Variants in ADGRG4 observed in about 807,000 individuals in gnomAD.
The protein encoded by ADGRG4 is G protein-coupled receptor 112.
Under a neutral mutation model 126.2 loss-of-function variants are expected in ADGRG4, and 122 were observed. The observed-to-expected ratio is 0.97, with a 90% CI of 0.83 to 1.12. The LOEUF is 1.12. Among genes scored for constraint, ADGRG4 ranks in the 50% most tolerant of loss-of-function variants. ADGRG4 has a pLI of 0.00. For synonymous variants in ADGRG4, 943 were observed against 838.7 expected (o/e 1.12, Z -2.15); for missense variants, 2,481 against 2,251.8 (o/e 1.10, Z -2.06).
At chrX:136,376,346 T>G (rs2075225176) in intron 15 of ADGRG4, among the ~76,000 whole-genome samples, 2 of 112,235 alleles carry the variant, frequency 1.8e-5, no homozygotes, top group Admixed American at 1.9e-4. Flanking sequence ...GCCTCCAGAT[T>G]TGTTCTTTTT....
At chrX:136,392,405 C>T (rs371491522) in intron 17 of ADGRG4, 51 bp downstream of exon 17, 12 of 1,024,897 alleles carry the variant, frequency 1.2e-5, no homozygotes, top group South Asian at 3.0e-5. Flanking sequence ...GAACTCTTCA[C>T]GACTTTTCTG....
chrX:136,378,878 A>G (rs956852951), intron 15 of ADGRG4, among the ~76,000 whole-genome samples: 4 of 111,806 alleles, frequency 3.6e-5, no homozygotes, highest in Non-Finnish European at 3.8e-5. Context: ...ATGTATTGCT[A>G]TTTTCTAAGT....
chrX:136,315,927 G>T (rs2074802281), intron 4 of ADGRG4, among the ~76,000 whole-genome samples: 1 of 111,550 alleles, frequency 9.0e-6, no homozygotes, highest in Non-Finnish European at 1.9e-5. Flanking sequence ...TAGGAAAGAG[G>T]CATAGAACAG....
At chrX:136,302,065 G>A (rs1309459495) in intron 1 of ADGRG4, among the ~76,000 whole-genome samples, 2 of 111,948 alleles carry the variant, frequency 1.8e-5, no homozygotes, top group Middle Eastern at 4.6e-3. Flanking sequence ...GGCAATGTGG[G>A]CTCTTTTTTG....
chrX:136,318,456 A>G (rs1204156131), intron 4 of ADGRG4, among the ~76,000 whole-genome samples: 2 of 112,027 alleles, frequency 1.8e-5, no homozygotes, highest in African/African-American at 6.5e-5. Flanking sequence ...GAATTAGATA[A>G]TGGCGATAGT....
At chrX:136,380,604 CTCTTCTTCT>C (rs1219064272) in intron 15 of ADGRG4, among the ~76,000 whole-genome samples, 1,912 of 55,267 alleles carry the variant, frequency 0.035, 86 homozygotes, top group African/African-American at 0.1. Flanking sequence ...CCTCCTCCTC[CTCTTCTTCT>C]TCTTCTTCTT....
intron 23 of ADGRG4, among the ~76,000 whole-genome samples, chrX:136,408,119 G>T (rs1358840337): frequency 8.9e-6 from 1 of 111,913 alleles, no homozygotes; most frequent in African/African-American, 3.3e-5. Context: ...ATAAAGGAGG[G>T]GCAGGGGTGT....
intron 5 of ADGRG4, among the ~76,000 whole-genome samples, chrX:136,331,007 C>G (rs2074906384): frequency 9.1e-6 from 1 of 110,203 alleles, no homozygotes; most frequent in African/African-American, 3.3e-5. Context: ...TCTACCCTTC[C>G]CAGCCTCTGG....
At chrX:136,309,683 C>G (rs1331224792) in intron 4 of ADGRG4, among the ~76,000 whole-genome samples, 2 of 111,654 alleles carry the variant, frequency 1.8e-5, no homozygotes. Flanking sequence ...GCATGCAGAG[C>G]CTGATAGGAA....
In ADGRG4 at chrX:136,333,744, T is replaced by C. The variant is rs1489564898; in HGVS notation, c.685+10352T>C. 2.7e-5 allele frequency among the ~76,000 whole-genome samples: 3 copies of C among 111,198 alleles called. No homozygotes were observed. In the East Asian group the frequency reaches 8.4e-4, roughly 31 times the overall value. On this transcript the variant is annotated intron_variant, in intron 5 of 25. Coordinates refer to ENST00000394143, the MANE Select transcript of ADGRG4 (RefSeq NM_153834.4). ...TGCTGGCCAGGCTGGTCTCGAACTCTTGACCTCAAATTCTCCACCTGCCTT... is the reference window on the plus strand; with the variant it reads ...TGCTGGCCAGGCTGGTCTCGAACTCCTGACCTCAAATTCTCCACCTGCCTT...
intron 16 of ADGRG4, among the ~76,000 whole-genome samples, chrX:136,390,844 T>G (rs979117083): frequency 9.0e-6 from 1 of 110,848 alleles, no homozygotes; most frequent in Admixed American, 9.7e-5. Flanking sequence ...TAGACTAAGT[T>G]GGGAGGATCA....
intron 18 of ADGRG4, among the ~76,000 whole-genome samples, chrX:136,394,083 T>C (rs80055459): frequency 3.6e-5 from 4 of 111,272 alleles, no homozygotes; most frequent in African/African-American, 1.3e-4. Flanking sequence ...CCTTTTTTTT[T>C]CCTCACCTCT....
Position 136,345,702 on chromosome X carries a change from G to A in ADGRG4, c.1996G>A (p.Ala666Thr), listed in dbSNP as rs761677523. The A allele has an allele frequency of 9.9e-6, 12 of 1,209,684 alleles. No individual in the cohort carries two copies. Among genetic ancestry groups the A allele is most frequent in the Non-Finnish European group, 1.3e-5 (12 of 895,018 alleles). Reference protein sequence around the residue: ...WTSRPDQALLASMNTTTILTF... With the variant: ...WTSRPDQALLTSMNTTTILTF... The stretch of plus-strand genomic sequence containing the variant: ...TTCTAGGCCAGACCAGGCCCTGCTG[G>A]CATCTATGAACACAACCACCATACT... Residue 666 changes from alanine to threonine, a missense_variant, in exon 6 of 26, where the codon GCA becomes ACA. By Grantham distance (58) the Ala-to-Thr change is moderately conservative. Coordinates refer to ENST00000394143, the MANE Select transcript of ADGRG4 (RefSeq NM_153834.4).
chrX:136,306,537 T>C (rs1026395881), intron 3 of ADGRG4, among the ~76,000 whole-genome samples: 3 of 110,556 alleles, frequency 2.7e-5, no homozygotes, highest in Non-Finnish European at 5.7e-5. Context: ...CTTCCTTACC[T>C]TCCTCTCTCT....
At chrX:136,308,685 A>G (rs1352434794) in intron 3 of ADGRG4, 84 bp from the exon 4 acceptor site, 14 of 581,049 alleles carry the variant, frequency 2.4e-5, no homozygotes, top group Admixed American at 8.0e-5. Context: ...GGTGGTATGC[A>G]AAGGAGAAGT....
At chrX:136,318,444 T>G (rs2074818972) in intron 4 of ADGRG4, among the ~76,000 whole-genome samples, 1 of 112,030 alleles carries the variant, frequency 8.9e-6, no homozygotes, top group African/African-American at 3.2e-5. Flanking sequence ...GAAAATGTTC[T>G]GGAATTAGAT....
At chrX:136,408,147 T>C (rs1378890491) in intron 23 of ADGRG4, among the ~76,000 whole-genome samples, 15 of 112,056 alleles carry the variant, frequency 1.3e-4, no homozygotes. Flanking sequence ...ACCACTCTTA[T>C]GGTGGAAAGT....
chrX:136,333,284 G>A (rs535947606), intron 5 of ADGRG4, among the ~76,000 whole-genome samples: 36 of 111,037 alleles, frequency 3.2e-4, no homozygotes, highest in African/African-American at 1.1e-3. Flanking sequence ...CATGGGCAAG[G>A]ACTTCATGTA....
intron 1 of ADGRG4, among the ~76,000 whole-genome samples, chrX:136,302,444 C>G (rs928865728): frequency 1.8e-5 from 2 of 112,002 alleles, no homozygotes; most frequent in African/African-American, 6.5e-5. Flanking sequence ...GTGCAAAAAT[C>G]ACAAGCATTC....
Sources: allele counts gnomAD v4.1 joint callset (sites outside exome capture counted in the v4.1 genomes callset), GRCh38; gene constraint gnomAD v4.1.1; transcripts MANE v1.5; gene names NCBI Gene and HGNC (gene_info 2026-07-23, HGNC 2026-07-21).